The following IL13RA1 variants were observed in gnomAD, a reference collection of about 807,000 sequenced individuals.
IL13RA1 encodes interleukin 13 receptor subunit alpha 1.
IL13RA1 carries 14 observed loss-of-function variants against 33.8 expected under a neutral mutation model. The ratio of observed to expected loss-of-function variants is 0.41; its 90% CI spans 0.27 to 0.65. IL13RA1 has a LOEUF of 0.65. IL13RA1 is among the 30% of genes least tolerant of loss of function. The pLI is 0.28. For synonymous variants in IL13RA1, 116 were observed against 115.7 expected, an observed-to-expected ratio of 1.00 and a Z score of -0.02; for missense variants, 313 against 327.0, an observed-to-expected ratio of 0.96 and a Z score of 0.33.
chrX:118,743,020 G>A (rs898599931), intron 2 of IL13RA1, among the ~76,000 whole-genome samples: 1 of 111,818 alleles, frequency 8.9e-6, no homozygotes, highest in African/African-American at 3.2e-5. Context: ...AGACCAAAAA[G>A]GGTGACCTCT....
At chrX:118,770,092 T>G in intron 8 of IL13RA1, 1 of 259,494 alleles carries the variant, frequency 3.9e-6, no homozygotes. Flanking sequence ...TCTCACTGCC[T>G]GAGCTCTTCC....
intron 1 of IL13RA1, among the ~76,000 whole-genome samples, chrX:118,734,331 C>G (rs1266197329): frequency 9.0e-6 from 1 of 111,331 alleles, no homozygotes; most frequent in South Asian, 3.7e-4. Context: ...TTTTTCTTGC[C>G]TAATTGCTCT....
rs1429292491 is a variant in IL13RA1, at chrX:118,766,550, G to A, written c.849G>A (p.Glu283=). 1 of 1,060,806 alleles carries A rather than the reference G, an allele frequency of 9.4e-7. No individual in the cohort carries two copies. Among genetic ancestry groups the A allele is most frequent in the East Asian group, 3.0e-5 (1 of 33,145 alleles). The allele number at this position is 1,060,806 out of a possible 1,213,427, so 87.4% of individuals were successfully genotyped here. A position where few individuals can be genotyped will look rare whatever the true frequency, so the allele number is the denominator to read the frequency against. Residue 283 remains glutamate, a synonymous_variant, in exon 7 of 11, where the codon GAG becomes GAA. Coordinates refer to ENST00000371666, the MANE Select transcript of IL13RA1 (RefSeq NM_001560.3). ...TCAAGGTCCAAGAGGCTAAATGTGA[G>A]AATCCAGAATTTGAGAGAAATGTGG... ...NVFYVQEAKC[E]NPEFERNVEN...
At chrX:118,784,140 T>TGTATATATATACACAC (rs2017888518) in intron 10 of IL13RA1, among the ~76,000 whole-genome samples, 1 of 93,355 alleles carries the variant, frequency 1.1e-5, no homozygotes, top group Admixed American at 1.3e-4. Context: ...TATATATATA[T>TGTATATATATACACAC]ATATATACGT....
intron 4 of IL13RA1, among the ~76,000 whole-genome samples, chrX:118,751,652 G>A (rs1008897078): frequency 4.5e-5 from 5 of 110,265 alleles, no homozygotes; most frequent in Non-Finnish European, 5.7e-5. Flanking sequence ...GTATTTAATC[G>A]TTGTGATGTC....
chrX:118,738,446 A>G (rs2017306678), intron 1 of IL13RA1, among the ~76,000 whole-genome samples: 1 of 111,240 alleles, frequency 9.0e-6, no homozygotes, highest in African/African-American at 3.3e-5. Flanking sequence ...AGTGTTTAAC[A>G]CCCACTTATG....
intron 2 of IL13RA1, among the ~76,000 whole-genome samples, chrX:118,741,820 G>T (rs997994314): frequency 9.0e-6 from 1 of 110,801 alleles, no homozygotes; most frequent in Admixed American, 9.7e-5. Flanking sequence ...TGGCGGCGGT[G>T]AGTGGGTTGG....
chrX:118,787,369 A>G (rs919280824), intron 10 of IL13RA1, among the ~76,000 whole-genome samples: 1 of 111,179 alleles, frequency 9.0e-6, no homozygotes, highest in Non-Finnish European at 1.9e-5. Context: ...TGTGGGTCAC[A>G]GAGATCACAT....
At position 118,791,796 on chromosome X, in the gene IL13RA1, C is replaced by T. The variant is rs1178406545; in HGVS notation, c.1226C>T (p.Thr409Ile). Residue 409 changes from threonine (T) to isoleucine (I), a missense_variant, in exon 11 of 11, where the codon ACC (threonine) becomes ATC (isoleucine). By Grantham distance (89) the Thr-to-Ile change is moderately conservative. Coordinates refer to ENST00000371666, the MANE Select transcript of IL13RA1 (RefSeq NM_001560.3). ...AAGTACGACATCTATGAGAAGCAAA[C>T]CAAGGAGGAAACCGACTCTGTAGTG... is the stretch of plus-strand genomic sequence containing the variant. ...WKKYDIYEKQ[T>I]KEETDSVVLI... 1.3e-5 allele frequency: 14 copies of T among 1,087,053 alleles called. No individual in the cohort carries two copies. Among genetic ancestry groups the T allele is most frequent in the Non-Finnish European group, 1.8e-5 (14 of 785,122 alleles). The allele number at this position is 1,087,053 out of a possible 1,213,427, so 89.6% of individuals were successfully genotyped here. A position where few individuals can be genotyped will look rare whatever the true frequency, so the allele number is the denominator to read the frequency against.
chrX:118,780,950 C>G (rs2017836892), intron 10 of IL13RA1, among the ~76,000 whole-genome samples: 1 of 112,063 alleles, frequency 8.9e-6, no homozygotes. Context: ...AATAGTTGTT[C>G]TTATAAAAAC....
chrX:118,734,384 T>A (rs1351242854), intron 1 of IL13RA1, among the ~76,000 whole-genome samples: 1 of 111,855 alleles, frequency 8.9e-6, no homozygotes, highest in Non-Finnish European at 1.9e-5. Flanking sequence ...GTGGTGAAAG[T>A]GGGCATCTTT....
chrX:118,805,031 T>C, the IL13RA1 span, among the ~76,000 whole-genome samples: 1 of 112,130 alleles, frequency 8.9e-6, no homozygotes, highest in South Asian at 3.7e-4. Context: ...CCCTTCTTGA[T>C]TGGCTGACAA....
chrX:118,761,159 T>C lies in IL13RA1; in HGVS notation c.698T>C (p.Ile233Thr). 9.6e-7 allele frequency: 1 copy of C among 1,045,965 alleles called. No individual in the cohort carries two copies. 86.2% of individuals were successfully genotyped at this position (1,045,965 alleles called of 1,213,427 possible). Reference sequence around the variant, plus strand: ...TCAGTGAAACCTGATCCTCCACATATTAAAAACCTCTCCTTCCACAATGAT... The same window carrying C: ...TCAGTGAAACCTGATCCTCCACATACTAAAAACCTCTCCTTCCACAATGAT... ...TSRVKPDPPH[I>T]KNLSFHNDDL... Residue 233 changes from isoleucine (I) to threonine (T), a missense_variant, in exon 6 of 11, where the codon ATT (isoleucine) becomes ACT (threonine). Ile to Thr is a moderately conservative substitution (Grantham distance 89). Coordinates refer to ENST00000371666, the MANE Select transcript of IL13RA1 (RefSeq NM_001560.3).
At chrX:118,736,225 T>G (rs1355234580) in intron 1 of IL13RA1, among the ~76,000 whole-genome samples, 1 of 111,817 alleles carries the variant, frequency 8.9e-6, no homozygotes, top group Non-Finnish European at 1.9e-5. Context: ...TCTGAAGATA[T>G]TTGTTTCAGA....
chrX:118,769,804 G>T, intron 8 of IL13RA1: 1 of 122,587 alleles, frequency 8.2e-6, no homozygotes, highest in South Asian at 2.7e-4. Flanking sequence ...CCATGACCTG[G>T]AGCACCACAG....
chrX:118,741,190 T>A, intron 2 of IL13RA1, 34 bp downstream of exon 2: 8 of 926,049 alleles, frequency 8.6e-6, no homozygotes, highest in South Asian at 2.0e-5. Context: ...ATTGATGAGG[T>A]AAAGTGAACA....
chrX:118,791,787 A>T lies in IL13RA1; in HGVS notation c.1217A>T (p.Glu406Val). The change falls in exon 11 of 11, where the codon GAG (glutamate) becomes GTG (valine). Residue 406 changes from glutamate (E) to valine (V), a missense_variant. Coordinates refer to ENST00000371666, the MANE Select transcript of IL13RA1 (RefSeq NM_001560.3). ...CACTGGAAGAAGTACGACATCTATG[A>T]GAAGCAAACCAAGGAGGAAACCGAC... ...TLHWKKYDIYEKQTKEETDSV... is the reference protein window; with the variant it reads ...TLHWKKYDIYVKQTKEETDSV... The T allele has an allele frequency of 9.4e-7, 1 of 1,062,669 alleles. No individual in the cohort carries two copies. Among genetic ancestry groups the T allele is most frequent in the Non-Finnish European group, 1.3e-6 (1 of 762,060 alleles). The allele number at this position is 1,062,669 out of a possible 1,213,427, so 87.6% of individuals were successfully genotyped here.
chrX:118,742,911 T>C (rs1406300151), intron 2 of IL13RA1, among the ~76,000 whole-genome samples: 1 of 111,884 alleles, frequency 8.9e-6, no homozygotes, highest in Non-Finnish European at 1.9e-5. Flanking sequence ...TTACCACTTT[T>C]ATGGGTCAAA....
chrX:118,760,824 C>T (rs144882782), intron 5 of IL13RA1, among the ~76,000 whole-genome samples: 50 of 111,950 alleles, frequency 4.5e-4, no homozygotes, highest in African/African-American at 1.6e-3. Flanking sequence ...GCTCAAGTCC[C>T]TGATAAAAAG....
Sources: allele counts gnomAD v4.1 joint callset (sites outside exome capture counted in the v4.1 genomes callset), GRCh38; gene constraint gnomAD v4.1.1; transcripts MANE v1.5; gene names NCBI Gene and HGNC (gene_info 2026-07-23, HGNC 2026-07-21).